Variants in ANXA6 observed in about 807,000 individuals in gnomAD.
The protein encoded by ANXA6 is 67 kDa calelectrin.
A neutral mutation model predicts 95.4 loss-of-function variants in ANXA6; 71 were observed. That is an observed-to-expected ratio of 0.74 (90% CI 0.61 to 0.91). ANXA6 has a LOEUF of 0.91. ANXA6 is among the 40% of genes least tolerant of loss of function. ANXA6 has a pLI of 0.00. For synonymous variants in ANXA6, 289 were observed against 315.9 expected, an observed-to-expected ratio of 0.91 and a Z score of 0.90; for missense variants, 830 against 876.4, an observed-to-expected ratio of 0.95 and a Z score of 0.67.
In ANXA6 at chr5:151,108,454, C is replaced by T. The variant is rs1440942715; in HGVS notation, c.1780+1G>A. On this transcript the variant is annotated splice_donor_variant, in intron 23 of 25. Coordinates refer to ENST00000354546, the MANE Select transcript of ANXA6 (RefSeq NM_001155.5). LOFTEE classifies it high-confidence loss of function. ...CCCTTCCCTTAGTCCCTGCCAGTTA[C>T]CAATGGCCACAAATGCATCCCTGAC... 1.9e-6 allele frequency: 3 copies of T among 1,613,132 alleles called. No individual in the cohort carries two copies. In the African/African-American group the frequency reaches 4.0e-5, roughly 22 times the overall value.
At chr5:151,125,162 G>C (rs1765282010) in intron 14 of ANXA6, among the ~76,000 whole-genome samples, 1 of 152,042 alleles carries the variant, frequency 6.6e-6, no homozygotes, top group Non-Finnish European at 1.5e-5. Flanking sequence ...TTCAAGATGA[G>C]CCCAGGCAAC....
rs1354991706 is a variant in ANXA6 at position 151,100,720 on chromosome 5, T to C, written c.*728A>G. The C allele has an allele frequency of 2.7e-6, 1 of 374,292 alleles. No individual in the cohort carries two copies. Among genetic ancestry groups the C allele is most frequent in the Non-Finnish European group, 5.3e-6 (1 of 188,174 alleles). 23.2% of individuals were successfully genotyped at this position (374,292 alleles called of 1,614,324 possible). A position where few individuals can be genotyped will look rare whatever the true frequency, so the allele number is the denominator to read the frequency against. On this transcript the variant is annotated 3_prime_UTR_variant, in exon 26 of 26. Transcript: ENST00000354546. ...CTCACTGGAAATGTGTTTATGTGTT[T>C]GTGTATCTCTTTTTATTTCTTCCTT...
chr5:151,139,927 C>T (rs1351703773), intron 3 of ANXA6, among the ~76,000 whole-genome samples: 1 of 152,206 alleles, frequency 6.6e-6, no homozygotes, highest in Non-Finnish European at 1.5e-5. Flanking sequence ...AGCACTAGTT[C>T]TTAAATTTGG....
rs115013290 is a variant in ANXA6, at chr5:151,137,327, G to A, written c.319-6C>T. 5,991 of 1,609,546 alleles carry A rather than the reference G, an allele frequency of 3.7e-3. 16 individuals are homozygous for A. The highest frequency in any genetic ancestry group is 7.1e-3 in the South Asian group (641 of 90,556). On this transcript the variant is annotated splice_region_variant and splice_polypyrimidine_tract_variant and intron_variant, in intron 5 of 25. Coordinates refer to ENST00000354546, the MANE Select transcript of ANXA6 (RefSeq NM_001155.5). ...TTCTCATCAGTGCCAATGCCCTGGG[G>A]GTAGAAAAAGAGCGCATGAATTAAG...
At chr5:151,109,410 G>A (rs574822188) in intron 22 of ANXA6, among the ~76,000 whole-genome samples, 161 of 152,264 alleles carry the variant, frequency 1.1e-3, no homozygotes, top group Admixed American at 2.7e-3. Context: ...CTCCTGGCAG[G>A]CATCGCCAGT....
At chr5:151,119,420 C>G (rs2303022) in intron 17 of ANXA6, 30 bp from the exon 18 acceptor site, 403,933 of 1,601,370 alleles carry the variant, frequency 0.25, 56,402 homozygotes, top group Admixed American at 0.54. Flanking sequence ...ATGATCTCAG[C>G]CATAGTTCTG....
At chr5:151,117,932 G>T in intron 18 of ANXA6, 95 bp from the exon 19 acceptor site, 1 of 977,400 alleles carries the variant, frequency 1.0e-6, no homozygotes, top group Non-Finnish European at 1.6e-6. Flanking sequence ...AGCCAGGGCA[G>T]TATTGGCAGG....
intron 2 of ANXA6, chr5:151,140,591 TATATATATATATA>T (rs1765805023): frequency 7.0e-6 from 1 of 142,142 alleles, no homozygotes; most frequent in African/African-American, 2.9e-5. Flanking sequence ...TATATATATA[TATATATATATATA>T]TTTTAAGAGA....
At chr5:151,117,733 A>G (rs1243516451) in intron 19 of ANXA6, 25 bp downstream of exon 19, 2 of 1,606,772 alleles carry the variant, frequency 1.2e-6, no homozygotes, top group Admixed American at 1.7e-5. Context: ...GGGCAAGCCG[A>G]CCTGGGGCCC....
rs201557655 is a variant in ANXA6 at position 151,138,816 on chromosome 5, A to C, written c.205-25T>G. On this transcript the variant is annotated intron_variant, in intron 4 of 25. Coordinates refer to ENST00000354546, the MANE Select transcript of ANXA6 (RefSeq NM_001155.5). ...CCTGGCAGGTGGGGAAGAAGAGGAGATAGAAGAGGAAAGAGGAAGAGTAGT... is the reference window on the plus strand; with the variant it reads ...CCTGGCAGGTGGGGAAGAAGAGGAGCTAGAAGAGGAAAGAGGAAGAGTAGT... 480 of 1,508,024 alleles carry C rather than the reference A, an allele frequency of 3.2e-4. No homozygotes were observed. Among genetic ancestry groups the C allele is most frequent in the Non-Finnish European group, 4.0e-4 (439 of 1,086,650 alleles). 93.4% of individuals were successfully genotyped at this position (1,508,024 alleles called of 1,614,324 possible).
At chr5:151,147,227 A>G (rs927066085) in intron 2 of ANXA6, among the ~76,000 whole-genome samples, 1 of 152,254 alleles carries the variant, frequency 6.6e-6, no homozygotes, top group Non-Finnish European at 1.5e-5. Context: ...TCCCAAGCCA[A>G]GGAAATTCAA....
At position 151,100,794 on chromosome 5, in the gene ANXA6, T is replaced by C. The variant is rs533522647; in HGVS notation, c.*654A>G. On this transcript the variant is annotated 3_prime_UTR_variant, in exon 26 of 26. Coordinates refer to ENST00000354546, the MANE Select transcript of ANXA6 (RefSeq NM_001155.5). Reference sequence around the variant, plus strand: ...TGAATCGGAGGCATACTTTAGGAAGTTAATGTTAGAAGGGAAGCCAAGATT... The same window carrying C: ...TGAATCGGAGGCATACTTTAGGAAGCTAATGTTAGAAGGGAAGCCAAGATT... 2.7e-5 allele frequency: 12 copies of C among 445,122 alleles called. No homozygotes were observed. Among genetic ancestry groups the C allele is most frequent in the Admixed American group, 2.4e-4 (10 of 41,466 alleles). 27.6% of individuals were successfully genotyped at this position (445,122 alleles called of 1,614,324 possible).
Position 151,132,503 on chromosome 5 carries a change from C to T in ANXA6, c.709G>A (p.Asp237Asn). The change falls in exon 10 of 26, where the codon GAC (aspartate) becomes AAC (asparagine). Residue 237 changes from aspartate to asparagine, a missense_variant. Transcript: ENST00000354546. Reference protein sequence around the residue: ...EASIRGELSGDFEKLMLAVVK... With the variant: ...EASIRGELSGNFEKLMLAVVK... ...ACGGCCAGCATTAGCTTCTCAAAGT[C>T]CCCAGACAGCTCCCCTCGGATGCTG... 6.2e-7 allele frequency: 1 copy of T among 1,613,190 alleles called. No individual in the cohort carries two copies. The highest frequency in any genetic ancestry group is 1.1e-5 in the South Asian group (1 of 90,766).
intron 2 of ANXA6, among the ~76,000 whole-genome samples, chr5:151,146,010 CTG>C (rs1765966633): frequency 6.6e-6 from 1 of 152,162 alleles, no homozygotes. Context: ...CACCAGAACA[CTG>C]TGCATGGAGG....
chr5:151,116,871 A>C (rs1420413236), intron 20 of ANXA6, among the ~76,000 whole-genome samples: 1 of 152,182 alleles, frequency 6.6e-6, no homozygotes, highest in African/African-American at 2.4e-5. Flanking sequence ...CCACTGTAAC[A>C]TGAGGGCTTT....
At chr5:151,113,956 T>G (rs1329073085) in intron 20 of ANXA6, among the ~76,000 whole-genome samples, 2 of 152,248 alleles carry the variant, frequency 1.3e-5, no homozygotes, top group Admixed American at 1.3e-4. Context: ...ACAACACGGA[T>G]GACCCGTGAA....
chr5:151,126,251 C>T (rs1253074821), intron 14 of ANXA6, 151 bp downstream of exon 14: 3 of 662,056 alleles, frequency 4.5e-6, no homozygotes, highest in African/African-American at 1.8e-5. Flanking sequence ...ACCAGTTCAC[C>T]ACTCCAAGGG....
At chr5:151,134,377 C>T (rs373945426) in intron 8 of ANXA6, 50 bp downstream of exon 8, 11 of 1,601,434 alleles carry the variant, frequency 6.9e-6, no homozygotes, top group Non-Finnish European at 8.6e-6. Flanking sequence ...CCTCTCCCCT[C>T]CCAAGGCTCT....
intron 2 of ANXA6, among the ~76,000 whole-genome samples, chr5:151,143,977 G>A (rs998186076): frequency 6.6e-6 from 1 of 152,170 alleles, no homozygotes; most frequent in Non-Finnish European, 1.5e-5. Context: ...GGGGCATTCG[G>A]GAAAGCCAGC....
Sources: allele counts gnomAD v4.1 joint callset (sites outside exome capture counted in the v4.1 genomes callset), GRCh38; gene constraint gnomAD v4.1.1; transcripts MANE v1.5; gene names NCBI Gene and HGNC (gene_info 2026-07-23, HGNC 2026-07-21).